ABCG2: variants seen among roughly 807,000 people sequenced by gnomAD.
The protein encoded by ABCG2 is ATP binding cassette subfamily G member 2 (JR blood group).
Under a neutral mutation model 73.5 loss-of-function variants are expected in ABCG2, and 80 were observed. The ratio of observed to expected loss-of-function variants is 1.09; its 90% CI spans 0.91 to 1.31. The LOEUF (loss-of-function observed/expected upper bound fraction) is 1.31. ABCG2 is among the 50% of genes most tolerant of loss of function. The pLI, the probability that ABCG2 is intolerant of heterozygous loss-of-function variation, is 0.00. For missense variants in ABCG2, 796 were observed against 786.2 expected (o/e 1.01, Z -0.15); for synonymous variants, 269 against 282.4 (o/e 0.95, Z 0.48).
intron 1 of ABCG2, among the ~76,000 whole-genome samples, chr4:88,194,487 T>C (rs1728850546): frequency 7.5e-6 from 1 of 132,652 alleles, no homozygotes; most frequent in Non-Finnish European, 1.5e-5. Flanking sequence ...GAGGCGGAGC[T>C]TGCAGTGAGC....
chr4:88,101,415 A>G, intron 10 of ABCG2, 96 bp from the exon 11 acceptor site: 1 of 1,116,514 alleles, frequency 9.0e-7, no homozygotes, highest in African/African-American at 1.6e-5. Flanking sequence ...GACAGTGTAT[A>G]AAGTTAAGCA....
At chr4:88,211,358 G>A (rs1327979437) in intron 1 of ABCG2, among the ~76,000 whole-genome samples, 3 of 33,648 alleles carry the variant, frequency 8.9e-5, no homozygotes, top group South Asian at 1.5e-3. Flanking sequence ...TTCAACCCCT[G>A]CCCCACCCCC....
chr4:88,115,107 C>A, intron 7 of ABCG2, 49 bp from the exon 8 acceptor site: 1 of 1,316,090 alleles, frequency 7.6e-7, no homozygotes, highest in East Asian at 2.3e-5. Flanking sequence ...TCTTGGAAAA[C>A]AAAGAGAACT....
upstream of ABCG2, chr4:88,159,250 C>T (rs953593009): frequency 1.8e-5 from 8 of 455,398 alleles, no homozygotes; most frequent in African/African-American, 1.2e-4. Context: ...GGCCGGAGCG[C>T]CGAAGCACCG....
chr4:88,105,951 T>G (rs1030866793), intron 10 of ABCG2, among the ~76,000 whole-genome samples: 1 of 152,014 alleles, frequency 6.6e-6, no homozygotes, highest in Admixed American at 6.6e-5. Flanking sequence ...AAAAGAAAAG[T>G]GTTGGTAAGG....
chr4:88,189,538 TAAATAAATAAATAAATAAG>T (rs1301234211), intron 1 of ABCG2, among the ~76,000 whole-genome samples: 1 of 151,350 alleles, frequency 6.6e-6, no homozygotes, highest in Admixed American at 6.6e-5. Context: ...AATAAATAAA[TAAATAAATAAATAAATAAG>T]AAATAAAATG....
chr4:88,118,089 C>A lies in ABCG2; in HGVS notation c.841+20G>T. On this transcript the variant is annotated intron_variant, in intron 7 of 15. Transcript: ENST00000237612. ...ATTCTATTAATGAAGCATTTTACAG[C>A]ATAAAAAAGTCAACCATACCAGCTG... The A allele has an allele frequency of 6.2e-7, 1 of 1,608,272 alleles. No homozygotes were observed. Among genetic ancestry groups the A allele is most frequent in the Non-Finnish European group, 8.5e-7 (1 of 1,177,682 alleles).
chr4:88,169,118 T>C (rs1230737161), intron 1 of ABCG2, among the ~76,000 whole-genome samples: 1 of 151,016 alleles, frequency 6.6e-6, no homozygotes, highest in Non-Finnish European at 1.5e-5. Flanking sequence ...CAGTCTCAGG[T>C]TACTGCAGCC....
At chr4:88,192,488 C>T (rs369249985) in intron 1 of ABCG2, among the ~76,000 whole-genome samples, 16 of 152,134 alleles carry the variant, frequency 1.1e-4, no homozygotes, top group African/African-American at 3.6e-4. Flanking sequence ...GGCGCAATCT[C>T]GGCTCACTAC....
chr4:88,154,482 G>A (rs1035275190), intron 1 of ABCG2, among the ~76,000 whole-genome samples: 3 of 152,180 alleles, frequency 2.0e-5, no homozygotes, highest in Non-Finnish European at 2.9e-5. Context: ...GGTAGTGGAG[G>A]GGGGCAGAGT....
chr4:88,168,217 A>G (rs540843500), intron 1 of ABCG2, among the ~76,000 whole-genome samples: 1 of 152,100 alleles, frequency 6.6e-6, no homozygotes, highest in African/African-American at 2.4e-5. Flanking sequence ...GGCCAGGTGC[A>G]GTGGTTCACA....
intron 2 of ABCG2, among the ~76,000 whole-genome samples, chr4:88,137,045 T>A (rs1725302744): frequency 6.7e-6 from 1 of 150,128 alleles, no homozygotes; most frequent in African/African-American, 2.5e-5. Context: ...TAAAATAAAA[T>A]AAAATAAAAT....
intron 1 of ABCG2, among the ~76,000 whole-genome samples, chr4:88,142,741 A>G (rs932642062): frequency 2.0e-5 from 3 of 152,128 alleles, no homozygotes; most frequent in African/African-American, 7.2e-5. Context: ...GAACGCAGGA[A>G]TTCGAGGCCA....
Position 88,220,044 on chromosome 4 carries a change from A to G in ABCG2, c.-20+10950T>C, listed in dbSNP as rs184218761. Among the ~76,000 whole-genome samples the G allele has an allele frequency of 8.5e-5, 13 of 152,182 alleles. 1 individual carries two copies. The highest frequency in any genetic ancestry group is 2.6e-4 in the Admixed American group (4 of 15,288). On this transcript the variant is annotated intron_variant, in intron 1 of 15. Coordinates refer to the ABCG2 transcript ENST00000515655. The stretch of plus-strand genomic sequence containing the variant: ...GGCAACCATTCTACTTTCTGTCTCT[A>G]TGAATTTGACTACCCTCACTACCTA...
Position 88,118,197 on chromosome 4 carries a change from C to T in ABCG2, c.753G>A (p.Lys251=). 6.2e-7 allele frequency: 1 copy of T among 1,614,164 alleles called. No individual in the cohort carries two copies. Among genetic ancestry groups the T allele is most frequent in the Non-Finnish European group, 8.5e-7 (1 of 1,179,990 alleles). Residue 251 remains lysine (K), a synonymous_variant, in exon 7 of 16, where the codon AAG becomes AAA. Coordinates refer to ENST00000237612, the MANE Select transcript of ABCG2 (RefSeq NM_004827.3). ...SIHQPRYSIF[K]LFDSLTLLAS... is the part of the protein sequence containing the mutation. ...CCAATAAGGTGAGGCTATCAAACAA[C>T]TTGAAGATGGAATATCGAGGCTGAT...
intron 1 of ABCG2, among the ~76,000 whole-genome samples, chr4:88,228,024 A>G (rs1373715987): frequency 6.6e-6 from 1 of 152,210 alleles, no homozygotes; most frequent in Non-Finnish European, 1.5e-5. Flanking sequence ...TTGAAATTAC[A>G]ATCTCCTTGA....
chr4:88,184,939 A>T (rs938770716), intron 1 of ABCG2, among the ~76,000 whole-genome samples: 1 of 152,228 alleles, frequency 6.6e-6, no homozygotes, highest in African/African-American at 2.4e-5. Context: ...AAGAACATAC[A>T]GTGGGAAAAG....
intron 7 of ABCG2, 40 bp downstream of exon 7, chr4:88,118,069 A>G: frequency 1.3e-6 from 2 of 1,594,736 alleles, no homozygotes; most frequent in Non-Finnish European, 1.7e-6. Context: ...TCAGGATTCT[A>G]TTAATGAAGC....
chr4:88,117,494 G>A (rs568834624), intron 7 of ABCG2, among the ~76,000 whole-genome samples: 18 of 152,026 alleles, frequency 1.2e-4, no homozygotes, highest in South Asian at 4.2e-4. Flanking sequence ...AAAATTAGCC[G>A]GGCATGGTTG....
Sources: gnomAD v4.1 joint callset for allele counts (sites outside exome capture counted in the v4.1 genomes callset) on GRCh38, gnomAD v4.1.1 for gene constraint, MANE v1.5 for transcripts, NCBI Gene and HGNC (gene_info 2026-07-23, HGNC 2026-07-21) for gene names.